HMG20A: variants seen among roughly 807,000 people sequenced by gnomAD.
The protein encoded by HMG20A is high mobility group protein 20A.
In HMG20A, 17 loss-of-function variants were observed where a neutral mutation model predicts 43.9. The ratio of observed to expected loss-of-function variants is 0.39; its 90% confidence interval spans 0.27 to 0.58. HMG20A has a LOEUF of 0.58. Among genes scored for constraint, HMG20A ranks in the 20% least tolerant of loss-of-function variants. HMG20A has a pLI of 0.59. For synonymous variants in HMG20A, 132 were observed against 147.5 expected, an observed-to-expected ratio of 0.89 and a Z score of 0.76; for missense variants, 341 against 438.2, an observed-to-expected ratio of 0.78 and a Z score of 1.98.
chr15:77,496,097 C>G, the HMG20A span, among the ~76,000 whole-genome samples: 1 of 152,150 alleles, frequency 6.6e-6, no homozygotes, highest in East Asian at 1.9e-4. Flanking sequence ...GGAGCCTCAG[C>G]CTGCTTGCCC....
chr15:77,427,001 G>C (rs1308834603), intron 1 of HMG20A, among the ~76,000 whole-genome samples: 1 of 152,162 alleles, frequency 6.6e-6, no homozygotes, highest in Non-Finnish European at 1.5e-5. Flanking sequence ...CTTGAAGGAA[G>C]CTTCAGATTT....
downstream of HMG20A, among the ~76,000 whole-genome samples, chr15:77,486,112 G>GT (rs1427015595): frequency 2.6e-5 from 4 of 152,152 alleles, no homozygotes; most frequent in Admixed American, 1.3e-4. Context: ...AATGTATGCT[G>GT]TAACAATACA....
chr15:77,450,292 G>A lies in HMG20A; in HGVS notation c.-4-8112G>A, dbSNP rs564221024. Reference sequence around the variant, plus strand: ...ACTACAGGCGCCCACCACCACACCCGGCTAATTTTTTGTATTTGAGTATTT... The same window carrying A: ...ACTACAGGCGCCCACCACCACACCCAGCTAATTTTTTGTATTTGAGTATTT... On this transcript the variant is annotated intron_variant, in intron 1 of 9. Transcript: ENST00000336216. Among the ~76,000 whole-genome samples, 14 of 152,032 alleles carry A rather than the reference G, an allele frequency of 9.2e-5. No individual in the cohort carries two copies. The South Asian group carries it at 1.9e-3, about 20-fold the overall frequency.
chr15:77,462,520 T>A (rs1177564240), intron 2 of HMG20A, among the ~76,000 whole-genome samples: 1 of 152,150 alleles, frequency 6.6e-6, no homozygotes, highest in Non-Finnish European at 1.5e-5. Flanking sequence ...TCCTGGGGCA[T>A]GTTTCCAGTT....
At chr15:77,457,885 T>C (rs1475783173) in intron 1 of HMG20A, among the ~76,000 whole-genome samples, 3 of 152,232 alleles carry the variant, frequency 2.0e-5, no homozygotes, top group African/African-American at 7.2e-5. Flanking sequence ...GAACTGGTAA[T>C]GCTGTAATAA....
chr15:77,486,646 G>A (rs959219995), downstream of HMG20A, among the ~76,000 whole-genome samples: 2 of 152,144 alleles, frequency 1.3e-5, no homozygotes, highest in African/African-American at 4.8e-5. Context: ...AAATCCTAGG[G>A]GTGAGGCAAC....
intron 3 of HMG20A, among the ~76,000 whole-genome samples, 195 bp from the exon 4 acceptor site, chr15:77,466,900 T>C (rs888625090): frequency 6.6e-6 from 1 of 152,238 alleles, no homozygotes; most frequent in African/African-American, 2.4e-5. Flanking sequence ...GTGAAGCATC[T>C]GGAGTTCCTC....
chr15:77,441,816 T>G (rs192157962), intron 1 of HMG20A, among the ~76,000 whole-genome samples: 2 of 152,324 alleles, frequency 1.3e-5, no homozygotes, highest in Admixed American at 1.3e-4. Flanking sequence ...TATTCTAATG[T>G]TACTAAACAC....
intron 3 of HMG20A, chr15:77,464,881 A>G (rs1423362870): frequency 1.3e-5 from 2 of 152,154 alleles, no homozygotes; most frequent in East Asian, 3.9e-4. Flanking sequence ...CAAATAACTG[A>G]TTACATTGTC....
chr15:77,482,886 C>A (rs906628800), intron 9 of HMG20A, 84 bp from the exon 10 acceptor site: 4 of 152,188 alleles, frequency 2.6e-5, no homozygotes, highest in Admixed American at 6.5e-5. Context: ...AGCGCTAACC[C>A]CTTCCATTCA....
the HMG20A span, among the ~76,000 whole-genome samples, chr15:77,499,207 A>G: frequency 6.6e-6 from 1 of 152,182 alleles, no homozygotes; most frequent in African/African-American, 2.4e-5. Flanking sequence ...CTCAAACATC[A>G]TCTGGACCTT....
intron 1 of HMG20A, among the ~76,000 whole-genome samples, chr15:77,457,331 A>G (rs1422701552): frequency 2.0e-5 from 3 of 152,178 alleles, no homozygotes; most frequent in Non-Finnish European, 2.9e-5. Context: ...AGCGCCTGAA[A>G]TAACTCCTGA....
rs1778601586 is a variant in HMG20A, at chr15:77,480,150, G to A, written c.*6+829G>A. ...TACAAAAAATACAAAAAATTAGCCA[G>A]GCATGGTGGTATGCGCTTGTGGTCC... is the stretch of plus-strand genomic sequence containing the variant. On this transcript the variant is annotated intron_variant, in intron 9 of 9. Transcript: ENST00000336216. Among the ~76,000 whole-genome samples the A allele has an allele frequency of 2.6e-5, 4 of 152,074 alleles. No homozygotes were observed. The South Asian group carries it at 8.3e-4, about 32-fold the overall frequency.
At chr15:77,436,113 T>C (rs933241092) in intron 1 of HMG20A, among the ~76,000 whole-genome samples, 11 of 152,256 alleles carry the variant, frequency 7.2e-5, no homozygotes, top group Admixed American at 5.9e-4. Flanking sequence ...CATCTTAAAA[T>C]GAACATGTCT....
the HMG20A span, among the ~76,000 whole-genome samples, chr15:77,502,162 A>G: frequency 6.6e-6 from 1 of 152,254 alleles, no homozygotes; most frequent in East Asian, 1.9e-4. Flanking sequence ...CTATAAATAA[A>G]GTTGTATGAA....
At chr15:77,422,221 A>T (rs912627879) in intron 1 of HMG20A, among the ~76,000 whole-genome samples, 8 of 152,172 alleles carry the variant, frequency 5.3e-5, no homozygotes, top group African/African-American at 1.9e-4. Context: ...TGAACCTAGA[A>T]CTGTATTGTC....
chr15:77,461,450 T>C (rs1595924447), intron 2 of HMG20A, among the ~76,000 whole-genome samples: 1 of 152,234 alleles, frequency 6.6e-6, no homozygotes, highest in East Asian at 1.9e-4. Context: ...AGAAAAGAAT[T>C]GGTATTGCCA....
chr15:77,439,487 A>G (rs1183015275), intron 1 of HMG20A, among the ~76,000 whole-genome samples: 1 of 152,164 alleles, frequency 6.6e-6, no homozygotes, highest in African/African-American at 2.4e-5. Context: ...AAATATATTC[A>G]TAGAATATTT....
intron 1 of HMG20A, among the ~76,000 whole-genome samples, chr15:77,440,914 G>A (rs2073605428): frequency 6.6e-6 from 1 of 152,126 alleles, no homozygotes; most frequent in Non-Finnish European, 1.5e-5. Context: ...TAAAATAGGT[G>A]CTAATGATAA....
Sources: gnomAD v4.1 joint callset for allele counts (sites outside exome capture counted in the v4.1 genomes callset) on GRCh38, gnomAD v4.1.1 for gene constraint, MANE v1.5 for transcripts, NCBI Gene and HGNC (gene_info 2026-07-23, HGNC 2026-07-21) for gene names.